ZBTB8B: variants seen among roughly 807,000 people sequenced by gnomAD.
ZBTB8B encodes the protein zinc finger and BTB domain containing 8B, also known as zinc finger and BTB domain-containing protein 8B.
ZBTB8B carries 17 observed loss-of-function variants against 30.3 expected under a neutral mutation model. The ratio of observed to expected loss-of-function variants is 0.56; its 90% confidence interval spans 0.38 to 0.84. ZBTB8B has a LOEUF of 0.84. Among genes scored for constraint, ZBTB8B ranks in the 40% least tolerant of loss-of-function variants. The pLI, the probability that ZBTB8B is intolerant of heterozygous loss-of-function variation, is 0.00. For missense variants in ZBTB8B, 515 were observed against 644.9 expected (o/e 0.80, Z 2.18); for synonymous variants, 248 against 255.6 (o/e 0.97, Z 0.28).
In ZBTB8B at chr1:32,491,847, A is replaced by T. The variant is rs1309054660; in HGVS notation, c.*6429A>T. On this transcript the variant is annotated 3_prime_UTR_variant, in exon 4 of 4. Transcript: ENST00000609129. ...GAATTTTTATTAGGTTGCCAGGGGAACAGAGCTAGAAAGTTAACAAAGGTA... is the reference window on the plus strand; with the variant it reads ...GAATTTTTATTAGGTTGCCAGGGGATCAGAGCTAGAAAGTTAACAAAGGTA... 1 of 152,228 alleles carries T rather than the reference A, an allele frequency of 6.6e-6. No homozygotes were observed. Among genetic ancestry groups the T allele is most frequent in the African/African-American group, 2.4e-5 (1 of 41,454 alleles). The allele number at this position is 152,228 out of a possible 1,614,324, so 9.4% of individuals were successfully genotyped here. A position where few individuals can be genotyped will look rare whatever the true frequency, so the allele number is the denominator to read the frequency against.
chr1:32,484,756 C>T lies in ZBTB8B; in HGVS notation c.1171-345C>T, dbSNP rs1231600643. Among the ~76,000 whole-genome samples the T allele has an allele frequency of 6.6e-6, 1 of 151,860 alleles. No individual in the cohort carries two copies. The highest frequency in any genetic ancestry group is 1.5e-5 in the Non-Finnish European group (1 of 67,994). ...GTTACCTCCCCCTTCTTTCTCTTCC[C>T]CCTGCTCTGGCCATGTGAAGTGCCG... is the stretch of plus-strand genomic sequence containing the variant. On this transcript the variant is annotated intron_variant, in intron 3 of 3. Coordinates refer to ENST00000609129, the MANE Select transcript of ZBTB8B (RefSeq NM_001145720.2). The surrounding 1 kb of genome is among the most constrained non-coding windows in gnomAD (Gnocchi z 4.5).
intron 2 of ZBTB8B, among the ~76,000 whole-genome samples, chr1:32,475,259 A>G (rs548960776): frequency 9.2e-5 from 14 of 152,312 alleles, no homozygotes; most frequent in Admixed American, 9.2e-4. Context: ...GCAGCCCTCA[A>G]AGAACTGATA....
chr1:32,470,682 A>G lies in ZBTB8B; in HGVS notation c.58A>G (p.Arg20Gly), dbSNP rs547891816. ...LLGELNEQRK[R>G]DFFCDCSIIV... is the part of the protein sequence containing the mutation. ...GGGGGAGCTGAATGAACAGAGAAAG[A>G]GGGACTTTTTCTGTGACTGCAGCAT... Residue 20 changes from arginine to glycine, a missense_variant, in exon 2 of 4, where the codon AGG becomes GGG. Arg to Gly is a moderately radical substitution (Grantham distance 125). This residue lies in a region of ZBTB8B where 25 missense variants were observed against 22.9 expected (regional missense o/e 1.09). Coordinates refer to ENST00000609129, the MANE Select transcript of ZBTB8B (RefSeq NM_001145720.2). 1 of 1,551,656 alleles carries G rather than the reference A, an allele frequency of 6.4e-7. No homozygotes were observed. Among genetic ancestry groups the G allele is most frequent in the East Asian group, 2.4e-5 (1 of 40,904 alleles).
chr1:32,467,034 G>C (rs1356071242), intron 1 of ZBTB8B, among the ~76,000 whole-genome samples: 4 of 152,140 alleles, frequency 2.6e-5, no homozygotes, highest in Non-Finnish European at 5.9e-5. Flanking sequence ...CTGCATGCCT[G>C]TAGTCACAGC....
chr1:32,473,305 C>CAAA (rs1202557658), intron 2 of ZBTB8B, among the ~76,000 whole-genome samples: 31 of 119,732 alleles, frequency 2.6e-4, no homozygotes, highest in African/African-American at 9.4e-4. Context: ...GACTACTTCT[C>CAAA]AAAAAAAAAA....
intron 2 of ZBTB8B, among the ~76,000 whole-genome samples, chr1:32,478,910 C>T (rs567326845): frequency 9.2e-5 from 14 of 152,182 alleles, no homozygotes; most frequent in Non-Finnish European, 7.3e-5. Context: ...GAAGAGATTA[C>T]GATGATGACA....
Position 32,489,432 on chromosome 1 carries a change from G to A in ZBTB8B, c.*4014G>A, listed in dbSNP as rs1047385563. On this transcript the variant is annotated 3_prime_UTR_variant, in exon 4 of 4. Coordinates refer to ENST00000609129, the MANE Select transcript of ZBTB8B (RefSeq NM_001145720.2). ...TTGTGTATAGGCACTGGCAATAACT[G>A]GATCACTGAGTTCTATCACTTTTAA... 1 of 152,142 alleles carries A rather than the reference G, an allele frequency of 6.6e-6. No individual in the cohort carries two copies. Among genetic ancestry groups the A allele is most frequent in the Non-Finnish European group, 1.5e-5 (1 of 68,012 alleles). 9.4% of individuals were successfully genotyped at this position (152,142 alleles called of 1,614,324 possible).
chr1:32,475,552 C>T (rs762795209), intron 2 of ZBTB8B, among the ~76,000 whole-genome samples: 6 of 152,128 alleles, frequency 3.9e-5, no homozygotes, highest in Non-Finnish European at 7.4e-5. Context: ...CACCACTGCA[C>T]TCCAGCCTGG....
rs1217057619 is a variant in ZBTB8B at position 32,480,998 on chromosome 1, C to T, written c.1099C>T (p.Arg367Trp). Residue 367 changes from arginine (R) to tryptophan (W), a missense_variant, in exon 3 of 4, where the codon CGG (arginine) becomes TGG (tryptophan). Physicochemically the swap from Arg to Trp is moderately radical, Grantham distance 101. This residue lies in a region of ZBTB8B where 429 missense variants were observed against 504.3 expected (regional missense o/e 0.85). Coordinates refer to ENST00000609129, the MANE Select transcript of ZBTB8B (RefSeq NM_001145720.2). Reference protein sequence around the residue: ...KRHIRSHTGERPYPCETCGKR... With the variant: ...KRHIRSHTGEWPYPCETCGKR... The stretch of plus-strand genomic sequence containing the variant: ...GCACATCCGTTCACACACAGGCGAG[C>T]GGCCCTACCCCTGTGAGACCTGCGG... 3.9e-6 allele frequency: 6 copies of T among 1,552,296 alleles called. No individual in the cohort carries two copies. In the African/African-American group the frequency reaches 4.1e-5, roughly 11 times the overall value.
intron 2 of ZBTB8B, among the ~76,000 whole-genome samples, chr1:32,472,536 A>G (rs1041563078): frequency 5.3e-5 from 8 of 152,218 alleles, no homozygotes. Flanking sequence ...TCTCTGTGTC[A>G]GCCAAGGTGC....
rs1428946095 is a variant in ZBTB8B at position 32,496,518 on chromosome 1, A to C, written c.*11100A>C. On this transcript the variant is annotated 3_prime_UTR_variant, in exon 4 of 4. Transcript: ENST00000609129. ...AATAGCAACTGATACCTTGTTTAAC[A>C]AGTAAGACAGTTTCTGCTTTTTGGA... is the stretch of plus-strand genomic sequence containing the variant. 1 of 152,240 alleles carries C rather than the reference A, an allele frequency of 6.6e-6. No individual in the cohort carries two copies. Among genetic ancestry groups the C allele is most frequent in the African/African-American group, 2.4e-5 (1 of 41,454 alleles). The allele number at this position is 152,240 out of a possible 1,614,324, so 9.4% of individuals were successfully genotyped here. A position where few individuals can be genotyped will look rare whatever the true frequency, so the allele number is the denominator to read the frequency against.
chr1:32,481,103 A>G, intron 3 of ZBTB8B, 34 bp downstream of exon 3: 1 of 1,514,520 alleles, frequency 6.6e-7, no homozygotes, highest in Non-Finnish European at 8.9e-7. Context: ...CCTTGTGGCA[A>G]GAGCTATTCA....
rs1643562395 is a variant in ZBTB8B at position 32,465,258 on chromosome 1, G to A, written c.-42+153G>A. 6.6e-6 allele frequency among the ~76,000 whole-genome samples: 1 copy of A among 152,236 alleles called. No individual in the cohort carries two copies. The highest frequency in any genetic ancestry group is 1.5e-5 in the Non-Finnish European group (1 of 68,036). ...GACCGCTTGGCCCTGGCAACTCCTG[G>A]GACCTCCGCCCCGCGAGCCCTTCTA... On this transcript the variant is annotated intron_variant, in intron 1 of 3. Transcript: ENST00000609129. This position sits in a 1 kb window ranked among gnomAD's most constrained non-coding sequence, Gnocchi z 4.1.
chr1:32,478,736 G>A (rs890693080), intron 2 of ZBTB8B, among the ~76,000 whole-genome samples: 2 of 152,126 alleles, frequency 1.3e-5, no homozygotes, highest in African/African-American at 2.4e-5. Flanking sequence ...CTTACATAAA[G>A]GATGTTGGAC....
chr1:32,488,167 G>A lies in ZBTB8B; in HGVS notation c.*2749G>A, dbSNP rs1643758318. 6.6e-6 allele frequency: 1 copy of A among 152,250 alleles called. No individual in the cohort carries two copies. Among genetic ancestry groups the A allele is most frequent in the South Asian group, 2.1e-4 (1 of 4,824 alleles). The allele number at this position is 152,250 out of a possible 1,614,324, so 9.4% of individuals were successfully genotyped here. A position where few individuals can be genotyped will look rare whatever the true frequency, so the allele number is the denominator to read the frequency against. On this transcript the variant is annotated 3_prime_UTR_variant, in exon 4 of 4. Transcript: ENST00000609129. ...CAGGAGAATCGCTTGAACCCAGGAGGCGGAGGTTGCTGTGAGCCGACATCA... is the reference window on the plus strand; with the variant it reads ...CAGGAGAATCGCTTGAACCCAGGAGACGGAGGTTGCTGTGAGCCGACATCA...
rs1233135265 is a variant in ZBTB8B at position 32,485,531 on chromosome 1, T to C, written c.*113T>C. The C allele has an allele frequency of 2.9e-6, 3 of 1,052,474 alleles. No homozygotes were observed. The African/African-American group carries it at 4.8e-5, about 17-fold the overall frequency. The allele number at this position is 1,052,474 out of a possible 1,614,324, so 65.2% of individuals were successfully genotyped here. A position where few individuals can be genotyped will look rare whatever the true frequency, so the allele number is the denominator to read the frequency against. ...CCCTGAGAGGAACATTTTTTCACTGTTATTATATGTGCATTTTTATTAGAC... is the reference window on the plus strand; with the variant it reads ...CCCTGAGAGGAACATTTTTTCACTGCTATTATATGTGCATTTTTATTAGAC... On this transcript the variant is annotated 3_prime_UTR_variant, in exon 4 of 4. Transcript: ENST00000609129.
In ZBTB8B at chr1:32,485,704, C is replaced by G. The variant is rs915977569; in HGVS notation, c.*286C>G. 2.6e-6 allele frequency: 1 copy of G among 378,266 alleles called. No homozygotes were observed. Among genetic ancestry groups the G allele is most frequent in the Non-Finnish European group, 4.8e-6 (1 of 208,760 alleles). 23.4% of individuals were successfully genotyped at this position (378,266 alleles called of 1,614,324 possible). A position where few individuals can be genotyped will look rare whatever the true frequency, so the allele number is the denominator to read the frequency against. ...GTCTCCTGTTTTTCTTGCTGTGTGTCCAAACTCTGGTTAGGAGAAAGATAA... is the reference window on the plus strand; with the variant it reads ...GTCTCCTGTTTTTCTTGCTGTGTGTGCAAACTCTGGTTAGGAGAAAGATAA... On this transcript the variant is annotated 3_prime_UTR_variant, in exon 4 of 4. Transcript: ENST00000609129.
intron 2 of ZBTB8B, among the ~76,000 whole-genome samples, chr1:32,472,709 G>A (rs1330680455): frequency 1.3e-5 from 2 of 152,132 alleles, no homozygotes; most frequent in Admixed American, 1.3e-4. Context: ...TGCCTCCCAG[G>A]TTCAAGTGAT....
intron 2 of ZBTB8B, among the ~76,000 whole-genome samples, chr1:32,474,370 A>G (rs1188393992): frequency 1.4e-5 from 2 of 144,130 alleles, no homozygotes; most frequent in African/African-American, 5.2e-5. Flanking sequence ...AAAAAAAAAA[A>G]AAAAAAAAAA....
Sources: allele counts gnomAD v4.1 joint callset (sites outside exome capture counted in the v4.1 genomes callset), GRCh38; gene constraint gnomAD v4.1.1; regional missense constraint gnomAD v4.1.1; non-coding constraint Gnocchi (gnomAD v3.1); transcripts MANE v1.5; gene names NCBI Gene and HGNC (gene_info 2026-07-23, HGNC 2026-07-21).